The following TRIO variants were observed in gnomAD, a reference collection of about 807,000 sequenced individuals.
The protein encoded by TRIO is triple functional domain protein.
Under a neutral mutation model 351.9 loss-of-function variants are expected in TRIO, and 58 were observed. The observed-to-expected ratio is 0.16, with a 90% CI of 0.13 to 0.21. TRIO has a LOEUF of 0.21. Among genes scored for constraint, TRIO ranks in the 10% least tolerant of loss-of-function variants. The pLI, the probability that TRIO is intolerant of heterozygous loss-of-function variation, is 1.00. For synonymous variants in TRIO, 1,758 were observed against 1,595.7 expected (o/e 1.10, Z -2.42); for missense variants, 3,201 against 4,027.8 (o/e 0.79, Z 5.56).
At chr5:14,329,108 A>G (rs1315969251) in intron 9 of TRIO, among the ~76,000 whole-genome samples, 1 of 152,216 alleles carries the variant, frequency 6.6e-6, no homozygotes, top group Non-Finnish European at 1.5e-5. Context: ...TATATCTATG[A>G]ACATGGCTGA....
chr5:14,507,019 C>T, intron 55 of TRIO, 103 bp from the exon 56 acceptor site: 15 of 1,414,212 alleles, frequency 1.1e-5, no homozygotes, highest in Middle Eastern at 2.0e-4. Context: ...CCCGATGACA[C>T]ATTCATAACA....
intron 1 of TRIO, among the ~76,000 whole-genome samples, chr5:14,148,248 G>A (rs1007463595): frequency 1.3e-5 from 2 of 152,170 alleles, no homozygotes; most frequent in East Asian, 1.9e-4. Flanking sequence ...TTTCCTAAAT[G>A]TACCCTAAAA....
Position 14,450,090 on chromosome 5 carries a change from G to A in TRIO, c.5204-10929G>A, listed in dbSNP as rs138168196. On this transcript the variant is annotated intron_variant, in intron 34 of 56. Coordinates refer to ENST00000344204, the MANE Select transcript of TRIO (RefSeq NM_007118.4). The stretch of plus-strand genomic sequence containing the variant: ...TGTTTTCAGTGTTTTCAGAAACGAC[G>A]CTGAGAATAAGAGTGTAAGAGCCAG... Among the ~76,000 whole-genome samples, 784 of 152,282 alleles carry A rather than the reference G, an allele frequency of 5.1e-3. 7 individuals carry two copies. Among genetic ancestry groups the A allele is most frequent in the Middle Eastern group, 0.01 (3 of 294 alleles).
rs1561579566 is a variant in TRIO at position 14,509,458 on chromosome 5, T to A, written c.*1036T>A. ...CGGTTCAAAGAGACTTTTCGTGAAATTTGTTGGTTTTGAGGACTGTAAAAG... is the reference window on the plus strand; with the variant it reads ...CGGTTCAAAGAGACTTTTCGTGAAAATTGTTGGTTTTGAGGACTGTAAAAG... On this transcript the variant is annotated 3_prime_UTR_variant, in exon 57 of 57. Transcript: ENST00000344204. 2.2e-6 allele frequency: 1 copy of A among 463,834 alleles called. No individual in the cohort carries two copies. The highest frequency in any genetic ancestry group is 1.5e-5 in the South Asian group (1 of 64,906). 28.7% of individuals were successfully genotyped at this position (463,834 alleles called of 1,614,324 possible). A position where few individuals can be genotyped will look rare whatever the true frequency, so the allele number is the denominator to read the frequency against.
intron 1 of TRIO, among the ~76,000 whole-genome samples, chr5:14,188,732 C>G (rs1033280221): frequency 6.6e-6 from 1 of 152,090 alleles, no homozygotes; most frequent in Non-Finnish European, 1.5e-5. Context: ...CCTCTTTGAC[C>G]CATTGATGCT....
At chr5:14,501,357 G>A (rs776085307) in intron 53 of TRIO, among the ~76,000 whole-genome samples, 4 of 152,188 alleles carry the variant, frequency 2.6e-5, no homozygotes, top group African/African-American at 4.8e-5. Flanking sequence ...AGTGATTGAC[G>A]TGAAATTATT....
intron 11 of TRIO, among the ~76,000 whole-genome samples, chr5:14,350,717 T>C (rs147888857): frequency 3.4e-4 from 52 of 152,338 alleles, no homozygotes; most frequent in African/African-American, 1.2e-3. Flanking sequence ...TTTGCATGGA[T>C]AATTACTTCA....
chr5:14,416,526 G>T (rs2152387251), intron 33 of TRIO, among the ~76,000 whole-genome samples: 1 of 152,244 alleles, frequency 6.6e-6, no homozygotes, highest in South Asian at 2.1e-4. Context: ...ATATTCTGTT[G>T]TTGGATTTTC....
intron 40 of TRIO, 109 bp from the exon 41 acceptor site, chr5:14,476,785 C>G (rs1755105515): frequency 6.6e-6 from 6 of 913,796 alleles, no homozygotes; most frequent in South Asian, 5.2e-5. Context: ...TAGAGTGACA[C>G]TCTCTCAAAA....
chr5:14,338,942 T>C (rs557092962), intron 11 of TRIO, among the ~76,000 whole-genome samples: 3 of 152,280 alleles, frequency 2.0e-5, no homozygotes, highest in South Asian at 2.1e-4. Context: ...AGCTTCCTTA[T>C]AGGACAGAAG....
chr5:14,431,373 A>G (rs1751119981), intron 34 of TRIO, among the ~76,000 whole-genome samples: 1 of 152,228 alleles, frequency 6.6e-6, no homozygotes, highest in Non-Finnish European at 1.5e-5. Flanking sequence ...CAAACGTAGG[A>G]CAGGGCCCCC....
intron 41 of TRIO, among the ~76,000 whole-genome samples, chr5:14,478,007 A>C (rs972720450): frequency 3.3e-5 from 5 of 152,202 alleles, no homozygotes; most frequent in African/African-American, 1.2e-4. Context: ...TATTTTGTTC[A>C]TGTTCAAGAA....
At chr5:14,213,686 G>A (rs952925047) in intron 1 of TRIO, among the ~76,000 whole-genome samples, 4 of 152,168 alleles carry the variant, frequency 2.6e-5, no homozygotes, top group African/African-American at 9.7e-5. Flanking sequence ...GTAAAGTCAG[G>A]GAAAATTTTG....
intron 11 of TRIO, among the ~76,000 whole-genome samples, chr5:14,344,079 A>C (rs546726947): frequency 6.6e-5 from 10 of 152,354 alleles, no homozygotes; most frequent in African/African-American, 2.2e-4. Context: ...AATTCTCTCT[A>C]TATGCTTTTA....
rs1187134596 is a variant in TRIO, at chr5:14,508,073, C to T, written c.8945C>T (p.Thr2982Ile). ...GATACGTGGAGTGTTGGAGTGCTCA[C>T]ATACGTACTTCTTAGTGGCGTGTCC... is the stretch of plus-strand genomic sequence containing the variant. ...TSDTWSVGVL[T>I]YVLLSGVSPF... is the part of the protein sequence containing the mutation. The change falls in exon 57 of 57, where the codon ACA becomes ATA. Residue 2982 changes from threonine (T) to isoleucine (I), a missense_variant. Thr to Ile is a moderately conservative substitution (Grantham distance 89). This residue lies in a region of TRIO where 233 missense variants were observed against 292.6 expected (regional missense o/e 0.80). Coordinates refer to ENST00000344204, the MANE Select transcript of TRIO (RefSeq NM_007118.4). 14 of 1,614,116 alleles carry T rather than the reference C, an allele frequency of 8.7e-6. No individual in the cohort carries two copies. The highest frequency in any genetic ancestry group is 1.1e-5 in the Non-Finnish European group (13 of 1,180,050).
intron 24 of TRIO, among the ~76,000 whole-genome samples, chr5:14,389,060 T>C (rs1362375136): frequency 6.6e-6 from 1 of 152,192 alleles, no homozygotes; most frequent in East Asian, 1.9e-4. Flanking sequence ...ATTCCAAAAT[T>C]TGAAGCTGGG....
rs142276084 is a variant in TRIO at position 14,291,983 on chromosome 5, C to T, written c.1053+755C>T. On this transcript the variant is annotated intron_variant, in intron 5 of 56. Coordinates refer to ENST00000344204, the MANE Select transcript of TRIO (RefSeq NM_007118.4). ...TATTCTTATGCACCAGGCAGACCAA[C>T]TGGTCAAAGTGAATCCTTATCAATT... Among the ~76,000 whole-genome samples the T allele has an allele frequency of 2.8e-3, 430 of 152,222 alleles. 1 individual carries two copies. The highest frequency in any genetic ancestry group is 9.9e-3 in the African/African-American group (413 of 41,544).
rs1757062360 is a variant in TRIO at position 14,498,626 on chromosome 5, G to C, written c.8318G>C (p.Ser2773Thr). Residue 2773 changes from serine (S) to threonine (T), a missense_variant, in exon 53 of 57, where the codon AGC becomes ACC. Coordinates refer to ENST00000344204, the MANE Select transcript of TRIO (RefSeq NM_007118.4). ...ATGGGTTCAGCCTCATCGTCGGCCA[G>C]CCTGAGGGTCCTAGGTAAGCACCGT... ...NDMGSASSSA[S>T]LRVLGPGMDG... is the part of the protein sequence containing the mutation. 1 of 1,613,828 alleles carries C rather than the reference G, an allele frequency of 6.2e-7. No individual in the cohort carries two copies. The highest frequency in any genetic ancestry group is 1.3e-5 in the African/African-American group (1 of 74,930).
In TRIO at chr5:14,297,328, G is replaced by GGT; in HGVS notation, c.1368+73_1368+74dup. 6 of 1,526,526 alleles carry GGT rather than the reference G, an allele frequency of 3.9e-6. No individual in the cohort carries two copies. In the South Asian group the frequency reaches 5.0e-5, roughly 13 times the overall value. The allele number at this position is 1,526,526 out of a possible 1,614,324, so 94.6% of individuals were successfully genotyped here. On this transcript the variant is annotated intron_variant, in intron 7 of 56. Transcript: ENST00000344204. ...GAATAGTTCTTCCTCCATGAATATT[G>GGT]GTGTGTGTGCAAACACTCTTGTGTA...
Sources: allele counts gnomAD v4.1 joint callset (sites outside exome capture counted in the v4.1 genomes callset), GRCh38; gene constraint gnomAD v4.1.1; regional missense constraint gnomAD v4.1.1; transcripts MANE v1.5; gene names NCBI Gene and HGNC (gene_info 2026-07-23, HGNC 2026-07-21).